Variants in SYT6 observed in about 807,000 individuals in gnomAD.
SYT6 encodes synaptotagmin-6.
SYT6 carries 24 observed loss-of-function variants against 38.4 expected under a neutral mutation model. The ratio of observed to expected loss-of-function variants is 0.62; its 90% CI spans 0.45 to 0.88. The LOEUF is 0.88. Ranked by LOEUF, SYT6 falls within the 40% of genes least tolerant of loss-of-function variation. The pLI is 0.00. For synonymous variants in SYT6, 265 were observed against 241.9 expected (o/e 1.10, Z -0.89); for missense variants, 611 against 621.0 (o/e 0.98, Z 0.17).
At chr1:114,140,505 C>T (rs970523678) in intron 1 of SYT6, among the ~76,000 whole-genome samples, 1 of 152,030 alleles carries the variant, frequency 6.6e-6, no homozygotes, top group African/African-American at 2.4e-5. Flanking sequence ...CCCACTGAGC[C>T]CAAGACAGGA....
chr1:114,094,647 C>A (rs1371896717), intron 6 of SYT6, among the ~76,000 whole-genome samples: 3 of 152,200 alleles, frequency 2.0e-5, no homozygotes, highest in African/African-American at 7.2e-5. Flanking sequence ...AAGTATAATG[C>A]CCTCTGTTCT....
chr1:114,142,240 G>GA (rs1251093316), intron 1 of SYT6, among the ~76,000 whole-genome samples: 1 of 152,140 alleles, frequency 6.6e-6, no homozygotes, highest in Admixed American at 6.5e-5. Flanking sequence ...TAATTCAGGG[G>GA]AAAAGGTCAA....
chr1:114,115,494 G>T (rs1676940780), intron 3 of SYT6, among the ~76,000 whole-genome samples: 1 of 150,834 alleles, frequency 6.6e-6, no homozygotes, highest in African/African-American at 2.4e-5. Context: ...TCGGCTCACT[G>T]CAACCTCGGC....
chr1:114,116,942 C>T (rs1051624132), intron 3 of SYT6, among the ~76,000 whole-genome samples: 2 of 152,208 alleles, frequency 1.3e-5, no homozygotes, highest in African/African-American at 4.8e-5. Flanking sequence ...AAGAACCTTC[C>T]CTTGGCCTCA....
chr1:114,118,251 T>C (rs1401320813), intron 3 of SYT6, among the ~76,000 whole-genome samples: 1 of 152,216 alleles, frequency 6.6e-6, no homozygotes, highest in East Asian at 1.9e-4. Flanking sequence ...AGCTCCATTA[T>C]TGTAACTCCT....
chr1:114,110,215 G>A (rs939229029), intron 3 of SYT6, among the ~76,000 whole-genome samples: 1 of 152,182 alleles, frequency 6.6e-6, no homozygotes, highest in Non-Finnish European at 1.5e-5. Flanking sequence ...CCATTTTCAT[G>A]TGTGTCATTC....
chr1:114,118,120 G>T lies in SYT6; in HGVS notation c.1072-14399C>A, dbSNP rs565450673. On this transcript the variant is annotated intron_variant, in intron 3 of 7. Transcript: ENST00000610222. Reference sequence around the variant, plus strand: ...GGGGACAGGAAGGAGGGAGCATGGGGCCAGGATCCCAGAGATTTCCCAGGA... The same window carrying T: ...GGGGACAGGAAGGAGGGAGCATGGGTCCAGGATCCCAGAGATTTCCCAGGA... Among the ~76,000 whole-genome samples the T allele has an allele frequency of 7.2e-5, 11 of 152,346 alleles. No individual in the cohort carries two copies. The East Asian group carries it at 1.9e-3, about 27-fold the overall frequency.
chr1:114,144,520 C>T (rs1169021538), intron 1 of SYT6, among the ~76,000 whole-genome samples: 1 of 152,182 alleles, frequency 6.6e-6, no homozygotes, highest in Non-Finnish European at 1.5e-5. Context: ...AAACTGTAGG[C>T]TACTATGACA....
chr1:114,125,513 T>G (rs541308588), intron 3 of SYT6, among the ~76,000 whole-genome samples: 1 of 151,456 alleles, frequency 6.6e-6, no homozygotes, highest in South Asian at 2.1e-4. Flanking sequence ...AATTCAGACA[T>G]GAGAGGAAAA....
chr1:114,142,031 T>C (rs185546522), intron 1 of SYT6, among the ~76,000 whole-genome samples: 107 of 152,330 alleles, frequency 7.0e-4, no homozygotes, highest in African/African-American at 2.4e-3. Context: ...CTGATGCAGA[T>C]GTACAAGGAG....
chr1:114,102,353 C>T (rs1454307142), intron 4 of SYT6, among the ~76,000 whole-genome samples: 1 of 152,136 alleles, frequency 6.6e-6, no homozygotes, highest in Non-Finnish European at 1.5e-5. Context: ...CTCTGAGGGA[C>T]TCAGAGCTGC....
chr1:114,095,224 T>G (rs1675561446), intron 6 of SYT6, among the ~76,000 whole-genome samples: 1 of 152,214 alleles, frequency 6.6e-6, no homozygotes, highest in Non-Finnish European at 1.5e-5. Flanking sequence ...ACTGTTACTT[T>G]CCCATTACTG....
At chr1:114,094,214 G>A (rs1306387448) in intron 6 of SYT6, among the ~76,000 whole-genome samples, 1 of 152,182 alleles carries the variant, frequency 6.6e-6, no homozygotes, top group East Asian at 1.9e-4. Flanking sequence ...GGGAGGAGAT[G>A]GGGTTTGTGG....
intron 3 of SYT6, among the ~76,000 whole-genome samples, chr1:114,113,930 C>T (rs1036192655): frequency 3.3e-5 from 5 of 152,222 alleles, no homozygotes; most frequent in Non-Finnish European, 4.4e-5. Flanking sequence ...CCTCCACGAA[C>T]GGGGCTGACT....
rs578003578 is a variant in SYT6 at position 114,115,644 on chromosome 1, C to T, written c.1072-11923G>A. 9.2e-5 allele frequency among the ~76,000 whole-genome samples: 14 copies of T among 151,986 alleles called. No homozygotes were observed. In the East Asian group the frequency reaches 1.4e-3, roughly 15 times the overall value. On this transcript the variant is annotated intron_variant, in intron 3 of 7. Transcript: ENST00000610222. ...GTTGGCCAGGCTGGTCTCAAACTCCCGACTTCATGATCTGCCCGCCTCGGC... is the reference window on the plus strand; with the variant it reads ...GTTGGCCAGGCTGGTCTCAAACTCCTGACTTCATGATCTGCCCGCCTCGGC...
chr1:114,121,304 G>A (rs1328151541), intron 3 of SYT6, among the ~76,000 whole-genome samples: 2 of 152,164 alleles, frequency 1.3e-5, no homozygotes, highest in Non-Finnish European at 2.9e-5. Context: ...TGGAGCCTTG[G>A]CCCTGCACAC....
intron 2 of SYT6, among the ~76,000 whole-genome samples, chr1:114,138,731 C>T (rs1356968365): frequency 6.6e-6 from 1 of 152,200 alleles, no homozygotes; most frequent in Non-Finnish European, 1.5e-5. Context: ...GTTAGCTCTC[C>T]TTATCAATCA....
chr1:114,096,615 C>T (rs1675656110), intron 6 of SYT6, among the ~76,000 whole-genome samples: 1 of 152,160 alleles, frequency 6.6e-6, no homozygotes. Flanking sequence ...ATGGGCTTGT[C>T]CTCCATGAGA....
chr1:114,143,844 C>T (rs975443638), intron 1 of SYT6, among the ~76,000 whole-genome samples: 1 of 151,804 alleles, frequency 6.6e-6, no homozygotes, highest in African/African-American at 2.4e-5. Context: ...CAGGGATGCC[C>T]ATTATCCCAA....
Sources: allele counts gnomAD v4.1 joint callset (sites outside exome capture counted in the v4.1 genomes callset), GRCh38; gene constraint gnomAD v4.1.1; transcripts MANE v1.5; gene names NCBI Gene and HGNC (gene_info 2026-07-23, HGNC 2026-07-21).